FAM193A: variants seen among roughly 807,000 people sequenced by gnomAD.
FAM193A encodes protein FAM193A.
Under a neutral mutation model 126.5 loss-of-function variants are expected in FAM193A, and 22 were observed. The ratio of observed to expected loss-of-function variants is 0.17; its 90% CI spans 0.12 to 0.25. The LOEUF (loss-of-function observed/expected upper bound fraction) is 0.25, where lower values mean the gene tolerates loss of function less well. Ranked by LOEUF, FAM193A falls within the 10% of genes least tolerant of loss-of-function variation. The pLI is 1.00. For synonymous variants in FAM193A, 761 were observed against 646.8 expected, an observed-to-expected ratio of 1.18 and a Z score of -2.68; for missense variants, 1,675 against 1,672.8, an observed-to-expected ratio of 1.00 and a Z score of -0.02.
At chr4:2,653,569 G>A (rs543357981) in intron 7 of FAM193A, among the ~76,000 whole-genome samples, 13 of 151,920 alleles carry the variant, frequency 8.6e-5, no homozygotes, top group East Asian at 1.9e-4. Flanking sequence ...TCAGCCTCCC[G>A]AGTAGTAGGG....
chr4:2,559,596 C>T (rs772172690), intron 1 of FAM193A, among the ~76,000 whole-genome samples: 5 of 152,084 alleles, frequency 3.3e-5, no homozygotes, highest in Admixed American at 1.3e-4. Flanking sequence ...TTGCCCAGCC[C>T]TGTCCTGCTA....
rs963237548 is a variant in FAM193A, at chr4:2,662,940, A to C, written c.1848A>C (p.Gly616=). ...CCGAGGTGGTGGCCAACATGAATGG[A>C]ATCCACAGCGAATTGAATGGTGGCG... is the stretch of plus-strand genomic sequence containing the variant. ...DDTEVVANMN[G]IHSELNGGGE... Residue 616 remains glycine (G), a synonymous_variant, in exon 11 of 21, where the codon GGA becomes GGC. Coordinates refer to ENST00000637812, the MANE Select transcript of FAM193A (RefSeq NM_001366318.2). The C allele has an allele frequency of 4.3e-6, 7 of 1,613,832 alleles. No homozygotes were observed. Among genetic ancestry groups the C allele is most frequent in the Non-Finnish European group, 5.9e-6 (7 of 1,179,698 alleles).
intron 2 of FAM193A, among the ~76,000 whole-genome samples, chr4:2,610,514 C>G (rs1741802254): frequency 6.6e-6 from 1 of 152,194 alleles, no homozygotes; most frequent in African/African-American, 2.4e-5. Context: ...GTTAGCCTTA[C>G]AGAAAGATAA....
At chr4:2,634,312 A>G (rs1347189586) in intron 5 of FAM193A, among the ~76,000 whole-genome samples, 1 of 152,212 alleles carries the variant, frequency 6.6e-6, no homozygotes, top group Non-Finnish European at 1.5e-5. Flanking sequence ...ACAGTGGTCC[A>G]GGATTGCTGG....
At chr4:2,673,029 A>C (rs760633488) in intron 13 of FAM193A, among the ~76,000 whole-genome samples, 1 of 152,324 alleles carries the variant, frequency 6.6e-6, no homozygotes, top group Non-Finnish European at 1.5e-5. Context: ...CCTCATGTGT[A>C]TACTTAGTAT....
At position 2,632,271 on chromosome 4, in the gene FAM193A, A is replaced by C. The variant is rs534782864; in HGVS notation, c.1038+1102A>C. 1.8e-3 allele frequency among the ~76,000 whole-genome samples: 281 copies of C among 152,224 alleles called. 2 individuals are homozygous for C. The highest frequency in any genetic ancestry group is 1.7e-3 in the Non-Finnish European group (113 of 68,014). The stretch of plus-strand genomic sequence containing the variant: ...CTCAAGTTGATGGACCCTCTTAGAA[A>C]AATTTACATACAGCCCGGGTGTGGT... On this transcript the variant is annotated intron_variant, in intron 5 of 20. Transcript: ENST00000637812.
intron 20 of FAM193A, among the ~76,000 whole-genome samples, chr4:2,728,237 A>C (rs1157731560): frequency 5.5e-5 from 6 of 109,328 alleles, no homozygotes; most frequent in East Asian, 2.5e-4. Flanking sequence ...CACCCGGCCC[A>C]ATTTTTTTTT....
At position 2,693,892 on chromosome 4, in the gene FAM193A, T is replaced by C. The variant is rs762166079; in HGVS notation, c.3092+18T>C. On this transcript the variant is annotated intron_variant, in intron 16 of 20. Transcript: ENST00000637812. ...GTCTGCAGGTGAGCCAAGTCCTGAC[T>C]GGGGACGTGGGAGCACTTTGGAAAA... 2 of 1,604,652 alleles carry C rather than the reference T, an allele frequency of 1.2e-6. No individual in the cohort carries two copies. Among genetic ancestry groups the C allele is most frequent in the South Asian group, 1.1e-5 (1 of 89,878 alleles).
intron 1 of FAM193A, among the ~76,000 whole-genome samples, chr4:2,588,898 A>T (rs1449782042): frequency 2.6e-5 from 4 of 152,190 alleles, no homozygotes; most frequent in African/African-American, 9.7e-5. Flanking sequence ...TACTTTAAAG[A>T]TTGGCAAAGA....
intron 2 of FAM193A, among the ~76,000 whole-genome samples, chr4:2,613,671 C>T (rs889726421): frequency 7.3e-5 from 11 of 151,574 alleles, no homozygotes; most frequent in Middle Eastern, 3.5e-3. Context: ...TCAGGCTGGT[C>T]TCGAACTCCC....
chr4:2,722,473 T>C (rs777769445), intron 20 of FAM193A, among the ~76,000 whole-genome samples: 2 of 152,196 alleles, frequency 1.3e-5, no homozygotes, highest in Non-Finnish European at 2.9e-5. Context: ...CTATTCCAGC[T>C]GCTGTGTCCA....
intron 6 of FAM193A, among the ~76,000 whole-genome samples, chr4:2,640,651 G>A (rs1744522595): frequency 6.6e-6 from 1 of 152,166 alleles, no homozygotes; most frequent in Non-Finnish European, 1.5e-5. Context: ...CGTGACAGCA[G>A]CCATCTACAT....
At chr4:2,662,771 G>A (rs1712615335) in intron 10 of FAM193A, 67 bp from the exon 11 acceptor site, 1 of 1,257,476 alleles carries the variant, frequency 8.0e-7, no homozygotes, top group Non-Finnish European at 1.1e-6. Context: ...TCTGTGCTTA[G>A]TGGCTGGTTT....
intron 20 of FAM193A, among the ~76,000 whole-genome samples, chr4:2,730,306 A>C (rs1328410637): frequency 6.6e-6 from 1 of 152,224 alleles, no homozygotes; most frequent in African/African-American, 2.4e-5. Flanking sequence ...AATCCTTTTA[A>C]ACAGCTTTAG....
intron 4 of FAM193A, among the ~76,000 whole-genome samples, chr4:2,630,057 A>G (rs994063898): frequency 2.7e-5 from 4 of 149,876 alleles, no homozygotes; most frequent in African/African-American, 7.4e-5. Context: ...GTGTGAACCC[A>G]GGAGGTGGAG....
Position 2,732,318 on chromosome 4 carries a change from A to G in FAM193A, c.*450A>G, listed in dbSNP as rs752141530. The G allele has an allele frequency of 4.4e-4, 91 of 206,128 alleles. No individual in the cohort carries two copies. Among genetic ancestry groups the G allele is most frequent in the Middle Eastern group, 2.1e-3 (1 of 486 alleles). 12.8% of individuals were successfully genotyped at this position (206,128 alleles called of 1,614,324 possible). ...GGGGCAGGCCTCCTTTGTTCTCCAC[A>G]ATCTACTGTCTCCGAGTGTACACGT... On this transcript the variant is annotated 3_prime_UTR_variant, in exon 21 of 21. Coordinates refer to ENST00000637812, the MANE Select transcript of FAM193A (RefSeq NM_001366318.2).
chr4:2,714,676 G>T (rs1046641599), intron 19 of FAM193A, among the ~76,000 whole-genome samples: 3 of 152,198 alleles, frequency 2.0e-5, no homozygotes, highest in African/African-American at 7.2e-5. Context: ...GCCTGGTGCT[G>T]TGTGAGTTGT....
intron 2 of FAM193A, among the ~76,000 whole-genome samples, chr4:2,622,942 A>G (rs1489743408): frequency 3.3e-5 from 5 of 152,136 alleles, no homozygotes; most frequent in Non-Finnish European, 2.9e-5. Flanking sequence ...ACCTTTGGGC[A>G]CTTCTGAGAC....
intron 1 of FAM193A, among the ~76,000 whole-genome samples, chr4:2,594,970 A>C (rs1740778890): frequency 6.6e-6 from 1 of 151,080 alleles, no homozygotes; most frequent in African/African-American, 2.4e-5. Context: ...CTGGGATTAC[A>C]GGTGCACACC....
Sources: allele counts gnomAD v4.1 joint callset (sites outside exome capture counted in the v4.1 genomes callset), GRCh38; gene constraint gnomAD v4.1.1; transcripts MANE v1.5; gene names NCBI Gene and HGNC (gene_info 2026-07-23, HGNC 2026-07-21).